PIEZO2: variants seen among roughly 807,000 people sequenced by gnomAD.
PIEZO2 encodes the protein piezo-type mechanosensitive ion channel component 2.
Under a neutral mutation model 337.3 loss-of-function variants are expected in PIEZO2, and 172 were observed. The ratio of observed to expected loss-of-function variants is 0.51; its 90% CI spans 0.45 to 0.58. The LOEUF is 0.58. Among genes scored for constraint, PIEZO2 ranks in the 20% least tolerant of loss-of-function variants. The probability of loss-of-function intolerance (pLI) is 0.00; values close to 1 mark genes in which losing one functional copy is unlikely to be tolerated. For synonymous variants in PIEZO2, 1,251 were observed against 1,228.5 expected (o/e 1.02, Z -0.38); for missense variants, 3,028 against 3,391.3 (o/e 0.89, Z 2.66).
At chr18:11,124,320 A>AGG (rs2040120273) in intron 1 of PIEZO2, among the ~76,000 whole-genome samples, 1 of 152,208 alleles carries the variant, frequency 6.6e-6, no homozygotes, top group Non-Finnish European at 1.5e-5. Context: ...ATAAAGACCC[A>AGG]AAAGGAATGA....
At position 11,146,020 on chromosome 18, in the gene PIEZO2, C is replaced by A. The variant is rs2040801467; in HGVS notation, c.64+2505G>T. On this transcript the variant is annotated intron_variant, in intron 1 of 55. Coordinates refer to ENST00000674853, the MANE Select transcript of PIEZO2 (RefSeq NM_001378183.1). This position sits in a 1 kb window ranked among gnomAD's most constrained non-coding sequence, Gnocchi z 6.1. ...CTACACACTCATACTCACACTCACA[C>A]ATACTCATAACACATGTGCACACTC... 6.6e-6 allele frequency among the ~76,000 whole-genome samples: 1 copy of A among 152,140 alleles called. No individual in the cohort carries two copies. The highest frequency in any genetic ancestry group is 2.1e-4 in the South Asian group (1 of 4,826).
In PIEZO2 at chr18:10,877,924, C is replaced by A. The variant is rs540306234; in HGVS notation, c.330-6509G>T. ...CCATACTGAATGCACGTACCCAGAACGCGCCAGTGTTTTCCCTCTGAGCAA... is the reference window on the plus strand; with the variant it reads ...CCATACTGAATGCACGTACCCAGAAAGCGCCAGTGTTTTCCCTCTGAGCAA... On this transcript the variant is annotated intron_variant, in intron 4 of 55. Coordinates refer to ENST00000674853, the MANE Select transcript of PIEZO2 (RefSeq NM_001378183.1). The surrounding 1 kb of genome is among the most constrained non-coding windows in gnomAD (Gnocchi z 5.3). 6.6e-6 allele frequency among the ~76,000 whole-genome samples: 1 copy of A among 152,108 alleles called. No individual in the cohort carries two copies. Among genetic ancestry groups the A allele is most frequent in the Admixed American group, 6.6e-5 (1 of 15,264 alleles).
chr18:11,124,658 GA>G (rs2040130722), intron 1 of PIEZO2, among the ~76,000 whole-genome samples: 1 of 152,096 alleles, frequency 6.6e-6, no homozygotes, highest in Non-Finnish European at 1.5e-5. Flanking sequence ...CCCAGCAGAA[GA>G]CTAACTCTGG....
chr18:11,025,084 A>C (rs2036489947), intron 2 of PIEZO2, among the ~76,000 whole-genome samples: 1 of 152,132 alleles, frequency 6.6e-6, no homozygotes, highest in South Asian at 2.1e-4. Flanking sequence ...GGTGGAGTGC[A>C]CTGATTAGGA....
intron 3 of PIEZO2, among the ~76,000 whole-genome samples, chr18:10,931,898 G>A (rs1022593533): frequency 1.3e-5 from 2 of 152,162 alleles, no homozygotes; most frequent in African/African-American, 2.4e-5. Flanking sequence ...TCTGGGTTGG[G>A]CACAGTATGT....
chr18:11,082,144 T>C (rs977910218), intron 1 of PIEZO2, among the ~76,000 whole-genome samples: 22 of 152,158 alleles, frequency 1.4e-4, no homozygotes, highest in Non-Finnish European at 8.8e-5. Flanking sequence ...TGGGGTAAAT[T>C]GCATGCTGCA....
Position 11,021,945 on chromosome 18 carries a change from T to A in PIEZO2, c.161-42285A>T, listed in dbSNP as rs530889119. On this transcript the variant is annotated intron_variant, in intron 2 of 55. Transcript: ENST00000674853. The surrounding 1 kb of genome is among the most constrained non-coding windows in gnomAD (Gnocchi z 4.7). ...CTAAATCCCTGTGCCCCTTGCAGAG[T>A]CACCACGTGTGAAGGGGATTTGCAG... 4.7e-4 allele frequency among the ~76,000 whole-genome samples: 71 copies of A among 152,026 alleles called. No homozygotes were observed. Among genetic ancestry groups the A allele is most frequent in the Non-Finnish European group, 8.8e-4 (60 of 67,992 alleles).
chr18:11,080,146 C>A lies in PIEZO2; in HGVS notation c.65-13924G>T, dbSNP rs918476935. Among the ~76,000 whole-genome samples the A allele has an allele frequency of 3.9e-5, 6 of 152,198 alleles. No homozygotes were observed. In the East Asian group the frequency reaches 1.2e-3, roughly 29 times the overall value. ...CTACCTCTCTCATCTACACAGAAAACACCTATAAAAATAACAGACTATTAA... is the reference window on the plus strand; with the variant it reads ...CTACCTCTCTCATCTACACAGAAAAAACCTATAAAAATAACAGACTATTAA... On this transcript the variant is annotated intron_variant, in intron 1 of 55. Transcript: ENST00000674853. This position sits in a 1 kb window ranked among gnomAD's most constrained non-coding sequence, Gnocchi z 5.4.
chr18:11,027,080 A>C lies in PIEZO2; in HGVS notation c.160+39047T>G, dbSNP rs572924628. ...GAAATGTCACAGAGCAGTCAATTCT[A>C]AACTGTGTAAGAATGAGTGTGTGCA... On this transcript the variant is annotated intron_variant, in intron 2 of 55. Coordinates refer to ENST00000674853, the MANE Select transcript of PIEZO2 (RefSeq NM_001378183.1). The surrounding 1 kb of genome is among the most constrained non-coding windows in gnomAD (Gnocchi z 4.2). 9.2e-5 allele frequency among the ~76,000 whole-genome samples: 14 copies of C among 152,252 alleles called. No individual in the cohort carries two copies. Among genetic ancestry groups the C allele is most frequent in the Non-Finnish European group, 1.9e-4 (13 of 68,040 alleles).
chr18:11,014,359 T>G (rs1022025351), intron 2 of PIEZO2, among the ~76,000 whole-genome samples: 79 of 144,296 alleles, frequency 5.5e-4, no homozygotes, highest in African/African-American at 1.9e-3. Flanking sequence ...CACGTCACCC[T>G]GGACAGGACA....
chr18:11,006,134 C>T (rs908058333), intron 2 of PIEZO2, among the ~76,000 whole-genome samples: 2 of 152,154 alleles, frequency 1.3e-5, no homozygotes. Context: ...AGCTAAAATG[C>T]GAACCATCTC....
At chr18:10,705,853 A>G (rs1598381113) in intron 40 of PIEZO2, 107 bp from the exon 41 acceptor site, 1 of 1,306,738 alleles carries the variant, frequency 7.7e-7, no homozygotes, top group East Asian at 2.6e-5. Flanking sequence ...GAAATGCCCC[A>G]TTTTCCCCCC....
At chr18:11,119,914 A>G (rs751499582) in intron 1 of PIEZO2, among the ~76,000 whole-genome samples, 2 of 152,256 alleles carry the variant, frequency 1.3e-5, no homozygotes, top group Non-Finnish European at 2.9e-5. Context: ...ATTACTACCT[A>G]GTTGATACTT....
chr18:10,994,833 G>A (rs1407556399), intron 2 of PIEZO2, among the ~76,000 whole-genome samples: 1 of 151,630 alleles, frequency 6.6e-6, no homozygotes, highest in African/African-American at 2.4e-5. Flanking sequence ...TGTAATCCCA[G>A]CACTTTGGGA....
chr18:10,724,610 A>T lies in PIEZO2; in HGVS notation c.5030-6351T>A. On this transcript the variant is annotated intron_variant, in intron 36 of 55. Transcript: ENST00000674853. This position sits in a 1 kb window ranked among gnomAD's most constrained non-coding sequence, Gnocchi z 5.8. ...AGTGACCCAGCTGGATGTGACCCCCAAGACAGAATGGTGCTGGACTCGGGG... is the reference window on the plus strand; with the variant it reads ...AGTGACCCAGCTGGATGTGACCCCCTAGACAGAATGGTGCTGGACTCGGGG... The T allele has an allele frequency of 1.5e-6, 1 of 656,990 alleles. No individual in the cohort carries two copies. 40.7% of individuals were successfully genotyped at this position (656,990 alleles called of 1,614,324 possible).
At chr18:10,960,021 T>C (rs894263718) in intron 3 of PIEZO2, among the ~76,000 whole-genome samples, 10 of 152,194 alleles carry the variant, frequency 6.6e-5, no homozygotes, top group Non-Finnish European at 2.9e-5. Flanking sequence ...TTCATCTTTT[T>C]ATATTTGTAC....
chr18:11,130,079 C>A (rs891012293), intron 1 of PIEZO2, among the ~76,000 whole-genome samples: 1 of 152,174 alleles, frequency 6.6e-6, no homozygotes, highest in Non-Finnish European at 1.5e-5. Context: ...AATAGTAAGT[C>A]AAAAACAATA....
chr18:10,873,573 C>T (rs150557866), intron 4 of PIEZO2, among the ~76,000 whole-genome samples: 103 of 151,950 alleles, frequency 6.8e-4, no homozygotes, highest in African/African-American at 2.3e-3. Context: ...AACATTTTTA[C>T]AACTCATTGA....
rs2040381461 is a variant in PIEZO2, at chr18:11,132,959, G to A, written c.64+15566C>T. Among the ~76,000 whole-genome samples the A allele has an allele frequency of 6.6e-6, 1 of 152,064 alleles. No homozygotes were observed. The highest frequency in any genetic ancestry group is 2.4e-5 in the African/African-American group (1 of 41,428). On this transcript the variant is annotated intron_variant, in intron 1 of 55. Coordinates refer to ENST00000674853, the MANE Select transcript of PIEZO2 (RefSeq NM_001378183.1). This position sits in a 1 kb window ranked among gnomAD's most constrained non-coding sequence, Gnocchi z 4.7. ...TGACCCAAACCCTTCAGGAATGAAG[G>A]TTTGGGTCACTCCACCAGGAAAAAA...
Sources: gnomAD v4.1 joint callset for allele counts (sites outside exome capture counted in the v4.1 genomes callset) on GRCh38, gnomAD v4.1.1 for gene constraint, Gnocchi (gnomAD v3.1) non-coding constraint, MANE v1.5 for transcripts, NCBI Gene and HGNC (gene_info 2026-07-23, HGNC 2026-07-21) for gene names.